GPR158: variants seen among roughly 807,000 people sequenced by gnomAD.
GPR158 encodes G protein-coupled receptor 158, also known as metabotropic glycine receptor.
Under a neutral mutation model 78.2 loss-of-function variants are expected in GPR158, and 30 were observed. The ratio of observed to expected loss-of-function variants is 0.38; its 90% CI spans 0.29 to 0.52. The LOEUF is 0.52. GPR158 is among the 20% of genes least tolerant of loss of function. GPR158 has a pLI of 0.83. For missense variants in GPR158, 1,463 were observed against 1,523.5 expected (o/e 0.96, Z 0.66); for synonymous variants, 581 against 591.1 (o/e 0.98, Z 0.25).
intron 6 of GPR158, among the ~76,000 whole-genome samples, chr10:25,554,431 C>T (rs7084676): frequency 0.16 from 23,975 of 152,036 alleles, 4,206 homozygotes; most frequent in African/African-American, 0.43. Context: ...TCTCTTATCA[C>T]CTGGGTCTCT....
At chr10:25,571,515 A>G (rs982333507) in intron 6 of GPR158, among the ~76,000 whole-genome samples, 3 of 152,208 alleles carry the variant, frequency 2.0e-5, no homozygotes, top group African/African-American at 7.2e-5. Flanking sequence ...GAAGGAGAGA[A>G]TAGAACATTG....
chr10:25,293,207 G>C (rs1219446946), intron 2 of GPR158, among the ~76,000 whole-genome samples: 1 of 152,164 alleles, frequency 6.6e-6, no homozygotes, highest in African/African-American at 2.4e-5. Flanking sequence ...GTAGAGAATA[G>C]AGGAATTTGC....
At chr10:25,239,692 C>A (rs1450734575) in intron 2 of GPR158, among the ~76,000 whole-genome samples, 1 of 151,984 alleles carries the variant, frequency 6.6e-6, no homozygotes, top group Non-Finnish European at 1.5e-5. Context: ...ATATGCCTGC[C>A]AGTAAAATTT....
intron 2 of GPR158, among the ~76,000 whole-genome samples, chr10:25,306,382 A>G (rs532068808): frequency 6.6e-6 from 1 of 152,308 alleles, no homozygotes; most frequent in Non-Finnish European, 1.5e-5. Context: ...GCATTATTCC[A>G]TAAATACTTG....
At chr10:25,380,059 A>G (rs1333469258) in intron 2 of GPR158, among the ~76,000 whole-genome samples, 1 of 152,076 alleles carries the variant, frequency 6.6e-6, no homozygotes, top group Non-Finnish European at 1.5e-5. Flanking sequence ...TTTCATAGAA[A>G]AAAACTGAGT....
intron 5 of GPR158, among the ~76,000 whole-genome samples, chr10:25,492,418 T>TC (rs1438442518): frequency 2.6e-5 from 4 of 152,204 alleles, no homozygotes; most frequent in African/African-American, 9.6e-5. Flanking sequence ...TTTTTCTTTT[T>TC]TTTTGTCACA....
intron 2 of GPR158, among the ~76,000 whole-genome samples, chr10:25,363,866 T>G (rs1855677965): frequency 6.6e-6 from 1 of 151,952 alleles, no homozygotes; most frequent in Non-Finnish European, 1.5e-5. Context: ...GACAACTTTA[T>G]TACATAAAAG....
chr10:25,594,785 T>G (rs370397918), intron 9 of GPR158, among the ~76,000 whole-genome samples: 1 of 152,166 alleles, frequency 6.6e-6, no homozygotes, highest in Non-Finnish European at 1.5e-5. Flanking sequence ...TAATTTTTTA[T>G]GTATATAGAA....
chr10:25,422,310 C>T (rs1264786943), intron 4 of GPR158, among the ~76,000 whole-genome samples: 6 of 152,252 alleles, frequency 3.9e-5, no homozygotes, highest in African/African-American at 1.4e-4. Flanking sequence ...GCCAGCATTA[C>T]CACCTACGCT....
At chr10:25,224,785 C>T (rs1230220644) in intron 2 of GPR158, among the ~76,000 whole-genome samples, 1 of 152,128 alleles carries the variant, frequency 6.6e-6, no homozygotes, top group East Asian at 1.9e-4. Context: ...TACAGAGATA[C>T]AGCTGGCAAT....
chr10:25,478,844 G>A (rs1182775116), intron 5 of GPR158, among the ~76,000 whole-genome samples: 2 of 134,042 alleles, frequency 1.5e-5, no homozygotes, highest in African/African-American at 2.9e-5. Flanking sequence ...CCCTTCCTGT[G>A]TCCAAGTGTT....
At chr10:25,187,563 C>T (rs1352672736) in intron 1 of GPR158, among the ~76,000 whole-genome samples, 1 of 152,094 alleles carries the variant, frequency 6.6e-6, no homozygotes, top group African/African-American at 2.4e-5. Flanking sequence ...GCAGAAAAGG[C>T]CTTCGACAAA....
At chr10:25,293,082 A>G (rs146274004) in intron 2 of GPR158, among the ~76,000 whole-genome samples, 87 of 152,300 alleles carry the variant, frequency 5.7e-4, no homozygotes, top group African/African-American at 2.0e-3. Context: ...GTCCCTGACC[A>G]AGTACATTGA....
At chr10:25,463,921 T>C (rs1421711627) in intron 4 of GPR158, among the ~76,000 whole-genome samples, 1 of 152,198 alleles carries the variant, frequency 6.6e-6, no homozygotes, top group African/African-American at 2.4e-5. Flanking sequence ...AGGAAATATG[T>C]TGGGGAGCAT....
chr10:25,290,859 G>A (rs1854425152), intron 2 of GPR158, among the ~76,000 whole-genome samples: 2 of 151,890 alleles, frequency 1.3e-5, no homozygotes, highest in African/African-American at 4.8e-5. Context: ...CAAATCAAAT[G>A]TACTCTATGC....
At chr10:25,402,248 G>T (rs1564445549) in intron 3 of GPR158, among the ~76,000 whole-genome samples, 1 of 152,048 alleles carries the variant, frequency 6.6e-6, no homozygotes, top group Non-Finnish European at 1.5e-5. Context: ...AAAATAACAG[G>T]TCTGTGCTTT....
chr10:25,534,438 A>G lies in GPR158; in HGVS notation c.1405-16538A>G, dbSNP rs373929134. Among the ~76,000 whole-genome samples, 12 of 152,188 alleles carry G rather than the reference A, an allele frequency of 7.9e-5. No homozygotes were observed. In the East Asian group the frequency reaches 1.4e-3, roughly 17 times the overall value. On this transcript the variant is annotated intron_variant, in intron 5 of 10. Coordinates refer to ENST00000376351, the MANE Select transcript of GPR158 (RefSeq NM_020752.3). Reference sequence around the variant, plus strand: ...GCAGATTACTTGAGGTCAGTTCGAGACCACCCTGGCTAACGTGATAAAACC... The same window carrying G: ...GCAGATTACTTGAGGTCAGTTCGAGGCCACCCTGGCTAACGTGATAAAACC...
At chr10:25,184,817 A>G (rs1211880068) in intron 1 of GPR158, among the ~76,000 whole-genome samples, 3 of 152,244 alleles carry the variant, frequency 2.0e-5, no homozygotes, top group African/African-American at 7.2e-5. Flanking sequence ...ATGAGATTTA[A>G]ATGCAATTGT....
At chr10:25,581,860 G>A (rs950970130) in intron 7 of GPR158, among the ~76,000 whole-genome samples, 2 of 152,058 alleles carry the variant, frequency 1.3e-5, no homozygotes, top group African/African-American at 4.8e-5. Context: ...TCACACTGCT[G>A]ATAAAGACAT....
Sources: gnomAD v4.1 joint callset for allele counts (sites outside exome capture counted in the v4.1 genomes callset) on GRCh38, gnomAD v4.1.1 for gene constraint, MANE v1.5 for transcripts, NCBI Gene and HGNC (gene_info 2026-07-23, HGNC 2026-07-21) for gene names.